Variants in ELAPOR2 observed in about 807,000 individuals in gnomAD.
The protein encoded by ELAPOR2 is endosome-lysosome associated apoptosis and autophagy regulator family member 2.
Under a neutral mutation model 120.7 loss-of-function variants are expected in ELAPOR2, and 89 were observed. That is an observed-to-expected ratio of 0.74 (90% CI 0.62 to 0.88). ELAPOR2 has a LOEUF of 0.88. Ranked by LOEUF, ELAPOR2 falls within the 40% of genes least tolerant of loss-of-function variation. ELAPOR2 has a pLI of 0.00. For missense variants in ELAPOR2, 1,134 were observed against 1,251.6 expected (o/e 0.91, Z 1.42); for synonymous variants, 444 against 444.9 (o/e 1.00, Z 0.03).
rs768124883 is a variant in ELAPOR2 at position 86,914,869 on chromosome 7, T to C, written c.1594-9A>G. 1.1e-5 allele frequency: 18 copies of C among 1,600,878 alleles called. No individual in the cohort carries two copies. In the East Asian group the frequency reaches 2.0e-4, roughly 18 times the overall value. On this transcript the variant is annotated splice_polypyrimidine_tract_variant and intron_variant, in intron 12 of 21. Coordinates refer to ENST00000450689, the MANE Select transcript of ELAPOR2 (RefSeq NM_001142749.3). ...CTTTTTCTATTAATATCCTGAAATA[T>C]AGTGGAAAAACTATATTCAAATAAA...
At chr7:86,935,776 T>A (rs1321857938) in intron 8 of ELAPOR2, among the ~76,000 whole-genome samples, 1 of 152,082 alleles carries the variant, frequency 6.6e-6, no homozygotes, top group Non-Finnish European at 1.5e-5. Context: ...CCCAGTATTC[T>A]GTAAATAACC....
chr7:86,979,248 A>G (rs1438210507), intron 1 of ELAPOR2, among the ~76,000 whole-genome samples: 2 of 152,228 alleles, frequency 1.3e-5, no homozygotes, highest in Non-Finnish European at 2.9e-5. Flanking sequence ...ACTCCCCGAG[A>G]AAAGACCACG....
intron 1 of ELAPOR2, among the ~76,000 whole-genome samples, chr7:86,998,653 T>C (rs903702253): frequency 6.6e-6 from 1 of 152,136 alleles, no homozygotes; most frequent in African/African-American, 2.4e-5. Flanking sequence ...CAATGAAAAA[T>C]GTCTTCAGAC....
At chr7:86,984,302 C>A (rs1792627094) in intron 1 of ELAPOR2, among the ~76,000 whole-genome samples, 1 of 152,180 alleles carries the variant, frequency 6.6e-6, no homozygotes. Flanking sequence ...ACAAGGATAT[C>A]CAGGACTTCA....
intron 8 of ELAPOR2, among the ~76,000 whole-genome samples, chr7:86,932,112 C>G (rs943852804): frequency 2.0e-5 from 3 of 151,808 alleles, no homozygotes; most frequent in Non-Finnish European, 4.4e-5. Context: ...CAATCAGAGT[C>G]TTTTCCGAAG....
At chr7:87,050,612 C>A (rs939919893) in intron 1 of ELAPOR2, among the ~76,000 whole-genome samples, 1 of 152,178 alleles carries the variant, frequency 6.6e-6, no homozygotes, top group Non-Finnish European at 1.5e-5. Context: ...ACTTTTTTTA[C>A]AGCAATGCGA....
chr7:87,014,074 AAC>A (rs1312732088), intron 1 of ELAPOR2, among the ~76,000 whole-genome samples: 1 of 149,086 alleles, frequency 6.7e-6, no homozygotes, highest in East Asian at 2.0e-4. Flanking sequence ...ATGGTCCCAG[AAC>A]ATTGTACTGT....
intron 1 of ELAPOR2, among the ~76,000 whole-genome samples, chr7:86,979,370 G>A (rs1281713069): frequency 6.6e-6 from 1 of 152,112 alleles, no homozygotes; most frequent in Admixed American, 6.5e-5. Flanking sequence ...TTTAACTACA[G>A]GTGACAAAAT....
intron 1 of ELAPOR2, among the ~76,000 whole-genome samples, chr7:87,020,343 C>G (rs750454172): frequency 2.0e-4 from 30 of 152,190 alleles, no homozygotes; most frequent in Non-Finnish European, 3.1e-4. Context: ...TAGCAGCACT[C>G]TTCACAACAG....
chr7:86,947,760 C>T lies in ELAPOR2; in HGVS notation c.473G>A (p.Gly158Asp), dbSNP rs1023159227. 2 of 1,551,586 alleles carry T rather than the reference C, an allele frequency of 1.3e-6. No homozygotes were observed. Among genetic ancestry groups the T allele is most frequent in the Non-Finnish European group, 1.7e-6 (2 of 1,146,980 alleles). Residue 158 changes from glycine (G) to aspartate (D), a missense_variant, in exon 3 of 22, where the codon GGC becomes GAC. Around this residue, in one of 3 missense-constraint regions of ELAPOR2, gnomAD observed 280 missense variants for 331.5 expected, o/e 0.84. Transcript: ENST00000450689. Reference protein sequence around the residue: ...NIATFMDTVVGPSDSRPDGCN... With the variant: ...NIATFMDTVVDPSDSRPDGCN... ...GCCGTCTGGCCTGCTGTCAGAAGGG[C>T]CCACCACAGTGTCCATGAATGTTGC... is the stretch of plus-strand genomic sequence containing the variant.
chr7:86,880,425 A>G lies in ELAPOR2; in HGVS notation c.*46T>C, dbSNP rs1375969662. On this transcript the variant is annotated 3_prime_UTR_variant, in exon 22 of 22. Coordinates refer to ENST00000450689, the MANE Select transcript of ELAPOR2 (RefSeq NM_001142749.3). The stretch of plus-strand genomic sequence containing the variant: ...CTAAAATATGGTCCTGTAAAACTAG[A>G]GCAGGTTTCTTTGTTCATTAGTCTC... 1.5e-6 allele frequency: 2 copies of G among 1,356,240 alleles called. No individual in the cohort carries two copies. The highest frequency in any genetic ancestry group is 1.2e-5 in the South Asian group (1 of 85,156). The allele number at this position is 1,356,240 out of a possible 1,614,324, so 84.0% of individuals were successfully genotyped here.
Position 87,059,648 on chromosome 7 carries a change from C to G in ELAPOR2, c.-135G>C. 1 of 995,504 alleles carries G rather than the reference C, an allele frequency of 1.0e-6. No individual in the cohort carries two copies. The highest frequency in any genetic ancestry group is 1.2e-6 in the Non-Finnish European group (1 of 816,218). 61.7% of individuals were successfully genotyped at this position (995,504 alleles called of 1,614,324 possible). On this transcript the variant is annotated 5_prime_UTR_variant, in exon 1 of 22. Coordinates refer to ENST00000450689, the MANE Select transcript of ELAPOR2 (RefSeq NM_001142749.3). ...CACCCGCTGCCCGTCCGCCCGCTGA[C>G]AGCTCTGCTGCGCTCGCGGCCCGGG...
intron 18 of ELAPOR2, among the ~76,000 whole-genome samples, chr7:86,898,476 C>T (rs1372991600): frequency 7.2e-6 from 1 of 138,044 alleles, no homozygotes; most frequent in Non-Finnish European, 1.5e-5. Context: ...GAATTATATG[C>T]TTTAAATGGC....
rs1319028764 is a variant in ELAPOR2 at position 86,876,999 on chromosome 7, T to G, written c.*3472A>C. ...TTGCTTTCATACTACAATGGCAGAG[T>G]TGAGTAAATGCAATAGAGCCCACAT... On this transcript the variant is annotated 3_prime_UTR_variant, in exon 22 of 22. Transcript: ENST00000450689. 6.6e-6 allele frequency: 1 copy of G among 152,132 alleles called. No homozygotes were observed. The highest frequency in any genetic ancestry group is 1.5e-5 in the Non-Finnish European group (1 of 68,004). 9.4% of individuals were successfully genotyped at this position (152,132 alleles called of 1,614,324 possible).
At chr7:86,907,591 G>T in intron 18 of ELAPOR2, 79 bp downstream of exon 18, 1 of 893,010 alleles carries the variant, frequency 1.1e-6, no homozygotes, top group Non-Finnish European at 1.7e-6. Context: ...TGTTCATAGA[G>T]AATATGTTTT....
chr7:86,981,736 G>A (rs558100263), intron 1 of ELAPOR2, among the ~76,000 whole-genome samples: 17 of 152,316 alleles, frequency 1.1e-4, no homozygotes, highest in East Asian at 7.7e-4. Flanking sequence ...AGCTCCCAGC[G>A]TGATTGACGC....
chr7:86,932,972 T>C (rs547951339), intron 8 of ELAPOR2, among the ~76,000 whole-genome samples: 1 of 151,930 alleles, frequency 6.6e-6, no homozygotes, highest in Admixed American at 6.6e-5. Context: ...CACAAATTGA[T>C]ATACATATTC....
intron 2 of ELAPOR2, among the ~76,000 whole-genome samples, chr7:86,958,892 T>G (rs1791589596): frequency 6.6e-6 from 1 of 152,212 alleles, no homozygotes; most frequent in Non-Finnish European, 1.5e-5. Context: ...TAATAGAGAT[T>G]GCATTAAATC....
intron 1 of ELAPOR2, among the ~76,000 whole-genome samples, chr7:87,040,106 G>A (rs1335722197): frequency 6.6e-6 from 1 of 152,390 alleles, no homozygotes; most frequent in African/African-American, 2.4e-5. Flanking sequence ...CCCGCACCTG[G>A]CTCGGAGGGT....
Sources: gnomAD v4.1 joint callset for allele counts (sites outside exome capture counted in the v4.1 genomes callset) on GRCh38, gnomAD v4.1.1 for gene constraint, gnomAD v4.1.1 regional missense constraint, MANE v1.5 for transcripts, NCBI Gene and HGNC (gene_info 2026-07-23, HGNC 2026-07-21) for gene names.